Variants in DHX34 observed in about 807,000 individuals in gnomAD.
The protein encoded by DHX34 is probable ATP-dependent RNA helicase DHX34.
DHX34 carries 96 observed loss-of-function variants against 111.1 expected under a neutral mutation model. That is an observed-to-expected ratio of 0.86 (90% CI 0.73 to 1.02). The LOEUF is 1.02. Among genes scored for constraint, DHX34 ranks in the 50% least tolerant of loss-of-function variants. DHX34 has a pLI of 0.00. For missense variants in DHX34, 1,560 were observed against 1,579.9 expected (o/e 0.99, Z 0.21); for synonymous variants, 688 against 670.4 (o/e 1.03, Z -0.41).
intron 7 of DHX34, among the ~76,000 whole-genome samples, chr19:47,372,227 G>C (rs1969985877): frequency 6.6e-6 from 1 of 151,696 alleles, no homozygotes; most frequent in Non-Finnish European, 1.5e-5. Context: ...CTAAACAAAG[G>C]CTGCAGGAGA....
intron 7 of DHX34, among the ~76,000 whole-genome samples, chr19:47,369,190 T>C (rs1969893574): frequency 6.6e-6 from 1 of 152,120 alleles, no homozygotes; most frequent in African/African-American, 2.4e-5. Flanking sequence ...TATTTGTTTT[T>C]TCAGTAGAGA....
Position 47,355,158 on chromosome 19 carries a change from C to T in DHX34, c.825C>T (p.Val275=), listed in dbSNP as rs1344491209. 1 of 1,614,116 alleles carries T rather than the reference C, an allele frequency of 6.2e-7. No homozygotes were observed. The highest frequency in any genetic ancestry group is 1.7e-5 in the Admixed American group (1 of 60,008). Residue 275 remains valine (V), a synonymous_variant, in exon 3 of 17, where the codon GTC becomes GTT. Transcript: ENST00000328771. The part of the protein sequence containing the change: ...QREPSLPQYE[V]LIVDEVHERH... ...AACCCAGCCTGCCCCAGTATGAGGTCCTGATTGTGGATGAAGTCCATGAGC... is the reference window on the plus strand; with the variant it reads ...AACCCAGCCTGCCCCAGTATGAGGTTCTGATTGTGGATGAAGTCCATGAGC...
rs772294359 is a variant in DHX34 at position 47,375,636 on chromosome 19, G to A, written c.2235G>A (p.Gln745=). The A allele has an allele frequency of 1.8e-4, 272 of 1,552,794 alleles. 1 individual carries two copies. The highest frequency in any genetic ancestry group is 2.3e-4 in the Non-Finnish European group (263 of 1,151,896). Reference sequence around the variant, plus strand: ...AGGTGCTGCGGCTGCAGGAGGAGCAGGACGGCGGCTCCAGTGACGAGGACA... The same window carrying A: ...AGGTGCTGCGGCTGCAGGAGGAGCAAGACGGCGGCTCCAGTGACGAGGACA... The part of the protein sequence containing the change: ...RRKVLRLQEE[Q]DGGSSDEDRA... Residue 745 remains glutamine (Q), a synonymous_variant, in exon 10 of 17, where the codon CAG becomes CAA. Transcript: ENST00000328771.
At chr19:47,373,953 G>A (rs10424116) in intron 9 of DHX34, among the ~76,000 whole-genome samples, 14,605 of 152,166 alleles carry the variant, frequency 0.096, 783 homozygotes, top group Middle Eastern at 0.16. Flanking sequence ...CTCGCCCTCC[G>A]GACTGGGGAT....
rs748985782 is a variant in DHX34, at chr19:47,380,953, C to G, written c.3120C>G (p.Gly1040=). 8.7e-6 allele frequency: 14 copies of G among 1,600,156 alleles called. No individual in the cohort carries two copies. In the South Asian group the frequency reaches 1.6e-4, roughly 18 times the overall value. The change falls in exon 15 of 17, where the codon GGC becomes GGG. Residue 1040 remains glycine, a synonymous_variant. Coordinates refer to ENST00000328771, the MANE Select transcript of DHX34 (RefSeq NM_014681.6). ...STLSPHPTKG[G]YAVTDFLTYN... is the part of the protein sequence containing the mutation. ...TGTCCCCCCACCCCACAAAGGGGGG[C>G]TACGCAGTCACTGACTTCCTCACCT... is the stretch of plus-strand genomic sequence containing the variant.
chr19:47,358,103 G>C lies in DHX34; in HGVS notation c.1255G>C (p.Val419Leu). 6.2e-7 allele frequency: 1 copy of C among 1,608,392 alleles called. No individual in the cohort carries two copies. The highest frequency in any genetic ancestry group is 1.1e-5 in the South Asian group (1 of 91,006). Residue 419 changes from valine to leucine, a missense_variant, in exon 4 of 17, where the codon GTG becomes CTG. Transcript: ENST00000328771. Reference protein sequence around the residue: ...VVLPLHSALSVADQDKVFDVA... With the variant: ...VVLPLHSALSLADQDKVFDVA... ...ACTGCCACTGCACAGCGCCCTGTCTGTGGCCGACCAGGACAAGGTATCACA... is the reference window on the plus strand; with the variant it reads ...ACTGCCACTGCACAGCGCCCTGTCTCTGGCCGACCAGGACAAGGTATCACA...
At chr19:47,370,509 TTCCAGCAGCCTGAGGCCCACCA>T (rs1969931656) in intron 7 of DHX34, among the ~76,000 whole-genome samples, 1 of 152,166 alleles carries the variant, frequency 6.6e-6, no homozygotes, top group South Asian at 2.1e-4. Flanking sequence ...GACTTTCTAT[TTCCAGCAGCCTGAGGCCCACCA>T]TGGCAGGACC....
chr19:47,369,754 G>C (rs781212617), intron 7 of DHX34, among the ~76,000 whole-genome samples: 2 of 152,124 alleles, frequency 1.3e-5, no homozygotes, highest in Non-Finnish European at 2.9e-5. Context: ...CTGGCCCTGG[G>C]TCAGGTGAGG....
chr19:47,363,207 G>A (rs1229731419), intron 6 of DHX34, among the ~76,000 whole-genome samples: 4 of 151,936 alleles, frequency 2.6e-5, no homozygotes, highest in African/African-American at 9.7e-5. Flanking sequence ...ACCCTCCTCG[G>A]CCTCCCAAAG....
In DHX34 at chr19:47,353,401, A is replaced by G; in HGVS notation, c.371A>G (p.His124Arg). The change falls in exon 2 of 17, where the codon CAC becomes CGC. Residue 124 changes from histidine (H) to arginine (R), a missense_variant. Physicochemically the swap from His to Arg is conservative, Grantham distance 29. Transcript: ENST00000328771. The surrounding 1 kb of genome is among the most constrained non-coding windows in gnomAD (Gnocchi z 4.6). ...CGGGGCTCTCAGGGACTGGGCAGGC[A>G]CTTGCCCGCGGAGAGAGTGGCTGAG... is the stretch of plus-strand genomic sequence containing the variant. ...ATRGSQGLGRHLPAERVAEFR... is the reference protein window; with the variant it reads ...ATRGSQGLGRRLPAERVAEFR... 6.2e-7 allele frequency: 1 copy of G among 1,614,130 alleles called. No homozygotes were observed. The highest frequency in any genetic ancestry group is 8.5e-7 in the Non-Finnish European group (1 of 1,180,024).
intron 7 of DHX34, among the ~76,000 whole-genome samples, chr19:47,370,157 GACGCA>G (rs1969920969): frequency 6.6e-6 from 1 of 152,182 alleles, no homozygotes; most frequent in African/African-American, 2.4e-5. Flanking sequence ...CAGAGAATGT[GACGCA>G]AAGTGCCCTG....
In DHX34 at chr19:47,353,037, C is replaced by G. The variant is rs1361572791; in HGVS notation, c.7C>G (p.Pro3Ala). Residue 3 changes from proline to alanine, a missense_variant, in exon 2 of 17, where the codon CCT becomes GCT. Coordinates refer to ENST00000328771, the MANE Select transcript of DHX34 (RefSeq NM_014681.6). This position sits in a 1 kb window ranked among gnomAD's most constrained non-coding sequence, Gnocchi z 4.6. Reference protein sequence around the residue: MPPPRTREGRDRR... With the variant: MPAPRTREGRDRR... The stretch of plus-strand genomic sequence containing the variant: ...CCTATTGTGGATTAGTAACATGCCT[C>G]CTCCTAGAACAAGGGAGGGCAGGGA... 6.2e-7 allele frequency: 1 copy of G among 1,609,144 alleles called. No individual in the cohort carries two copies. The highest frequency in any genetic ancestry group is 1.7e-5 in the Admixed American group (1 of 59,828).
intron 8 of DHX34, among the ~76,000 whole-genome samples, chr19:47,373,308 C>T (rs957428802): frequency 9.9e-5 from 15 of 152,232 alleles, no homozygotes; most frequent in African/African-American, 3.6e-4. Flanking sequence ...CCTGCCCTCC[C>T]GGGGTTCACA....
Position 47,382,152 on chromosome 19 carries a change from C to T in DHX34, c.*39C>T, listed in dbSNP as rs748421755. On this transcript the variant is annotated 3_prime_UTR_variant, in exon 17 of 17. Transcript: ENST00000328771. ...CCCTGCCCACCTCCGTGCAGCTGAC[C>T]TGCCCTCCAGCCCAGGACTAGGGGC... The T allele has an allele frequency of 4.3e-6, 7 of 1,610,092 alleles. No homozygotes were observed. The highest frequency in any genetic ancestry group is 4.0e-5 in the African/African-American group (3 of 74,832).
chr19:47,353,988 A>T lies in DHX34; in HGVS notation c.705+253A>T, dbSNP rs1969375140. ...GCTCATCACTTTTTTTTTGAGACGG[A>T]GTCTCACTCTGTGGCCCAGGCTGGA... On this transcript the variant is annotated intron_variant, in intron 2 of 16. Transcript: ENST00000328771. The surrounding 1 kb of genome is among the most constrained non-coding windows in gnomAD (Gnocchi z 4.6). Among the ~76,000 whole-genome samples, 3 of 152,040 alleles carry T rather than the reference A, an allele frequency of 2.0e-5. No homozygotes were observed. The highest frequency in any genetic ancestry group is 7.2e-5 in the African/African-American group (3 of 41,402).
In DHX34 at chr19:47,372,774, G is replaced by A; in HGVS notation, c.1813G>A (p.Val605Met). The change falls in exon 8 of 17, where the codon GTG becomes ATG. Residue 605 changes from valine (V) to methionine (M), a missense_variant. Transcript: ENST00000328771. ...LGSMFSLVEP[V>M]LTIAAALSVQ... ...CTCCATGTTCAGCCTGGTGGAGCCT[G>A]TGCTCACCATCGCAGCCGCACTTAG... 6.2e-7 allele frequency: 1 copy of A among 1,612,760 alleles called. No homozygotes were observed.
intron 1 of DHX34, among the ~76,000 whole-genome samples, chr19:47,352,138 C>T (rs1969306470): frequency 6.6e-6 from 1 of 152,176 alleles, no homozygotes; most frequent in Non-Finnish European, 1.5e-5. Context: ...TCAGGTGAAA[C>T]ATCCCCTCCT....
In DHX34 at chr19:47,355,302, C is replaced by T; in HGVS notation, c.969C>T (p.Phe323=). 6.2e-7 allele frequency: 1 copy of T among 1,614,144 alleles called. No individual in the cohort carries two copies. Among genetic ancestry groups the T allele is most frequent in the Middle Eastern group, 1.6e-4 (1 of 6,062 alleles). ...ACATCTCGCTCTTCTCCAGCTATTTCAGCAATGCCCCTGTGGTACAGGTGC... is the reference window on the plus strand; with the variant it reads ...ACATCTCGCTCTTCTCCAGCTATTTTAGCAATGCCCCTGTGGTACAGGTGC... ...TINISLFSSY[F]SNAPVVQVPG... The change falls in exon 3 of 17, where the codon TTC becomes TTT. Residue 323 remains phenylalanine, a synonymous_variant. Coordinates refer to ENST00000328771, the MANE Select transcript of DHX34 (RefSeq NM_014681.6).
rs200878829 is a variant in DHX34, at chr19:47,355,235, C to T, written c.902C>T (p.Thr301Met). The T allele has an allele frequency of 1.7e-5, 27 of 1,614,174 alleles. No homozygotes were observed. In the Admixed American group the frequency reaches 2.5e-4, roughly 15 times the overall value. The change falls in exon 3 of 17, where the codon ACG (threonine) becomes ATG (methionine). Residue 301 changes from threonine to methionine, a missense_variant. By Grantham distance (81) the Thr-to-Met change is moderately conservative (BLOSUM62 -1). Coordinates refer to ENST00000328771, the MANE Select transcript of DHX34 (RefSeq NM_014681.6). ...LLGVLQRLLP[T>M]RPDLKVILMS... ...GGCGTCCTCCAGCGCCTGTTGCCCA[C>T]GCGGCCTGACCTCAAGGTCATCCTC...
Sources: gnomAD v4.1 joint callset for allele counts (sites outside exome capture counted in the v4.1 genomes callset) on GRCh38, gnomAD v4.1.1 for gene constraint, Gnocchi (gnomAD v3.1) non-coding constraint, MANE v1.5 for transcripts, NCBI Gene and HGNC (gene_info 2026-07-23, HGNC 2026-07-21) for gene names.